The following LIG1 variants were observed in gnomAD, a reference collection of about 807,000 sequenced individuals.
LIG1 encodes ligase I, DNA, ATP-dependent.
In LIG1, 70 loss-of-function variants were observed where a neutral mutation model predicts 115.7. The observed-to-expected ratio is 0.60, with a 90% CI of 0.50 to 0.74. LIG1 has a LOEUF of 0.74. LIG1 is among the 30% of genes least tolerant of loss of function. LIG1 has a pLI of 0.00. For synonymous variants in LIG1, 487 were observed against 495.3 expected (o/e 0.98, Z 0.22); for missense variants, 1,115 against 1,225.6 (o/e 0.91, Z 1.35).
chr19:48,170,126 G>T (rs896683977), intron 1 of LIG1, 115 bp downstream of exon 1: 36 of 433,228 alleles, frequency 8.3e-5, no homozygotes, highest in Non-Finnish European at 1.4e-4. Context: ...GGCAGCCTCA[G>T]CGTCCCCACG....
intron 2 of LIG1, among the ~76,000 whole-genome samples, chr19:48,164,494 G>A (rs138526035): frequency 6.6e-6 from 1 of 152,308 alleles, no homozygotes; most frequent in African/African-American, 2.4e-5. Flanking sequence ...CTGTGACCAG[G>A]GGTGGACACG....
intron 23 of LIG1, 24 bp from the exon 24 acceptor site, chr19:48,121,346 T>G (rs756162564): frequency 3.2e-5 from 50 of 1,580,610 alleles, no homozygotes; most frequent in Admixed American, 8.7e-5. Flanking sequence ...AGGCAAGAGA[T>G]GAGAAGGGGG....
intron 12 of LIG1, among the ~76,000 whole-genome samples, chr19:48,139,414 G>A (rs189262853): frequency 6.6e-6 from 1 of 152,208 alleles, no homozygotes; most frequent in South Asian, 2.1e-4. Flanking sequence ...CTACAGCTGG[G>A]GTCCAGCTCC....
intron 16 of LIG1, among the ~76,000 whole-genome samples, chr19:48,134,282 C>T (rs1247703693): frequency 6.6e-6 from 1 of 152,234 alleles, no homozygotes; most frequent in Non-Finnish European, 1.5e-5. Flanking sequence ...TGCCCCTGTT[C>T]CCTATCTGTC....
At chr19:48,131,934 CT>C (rs34833018) in intron 18 of LIG1, among the ~76,000 whole-genome samples, 63,568 of 131,816 alleles carry the variant, frequency 0.48, 15,520 homozygotes, top group East Asian at 0.72. Flanking sequence ...TGGATCCACC[CT>C]TTTTTTTTTT....
rs1343090387 is a variant in LIG1, at chr19:48,170,340, C to G, written c.-157G>C. 3 of 436,646 alleles carry G rather than the reference C, an allele frequency of 6.9e-6. No homozygotes were observed. The highest frequency in any genetic ancestry group is 1.6e-5 in the South Asian group (1 of 62,138). 27.0% of individuals were successfully genotyped at this position (436,646 alleles called of 1,614,324 possible). ...TCGCGCCACGGCATTCGCGCGCAGA[C>G]GTCTGCGGGCGGGGGCGGGGCAGAG... is the stretch of plus-strand genomic sequence containing the variant. On this transcript the variant is annotated 5_prime_UTR_variant, in exon 1 of 28. Coordinates refer to ENST00000263274, the MANE Select transcript of LIG1 (RefSeq NM_000234.3).
Position 48,160,755 on chromosome 19 carries a change from C to T in LIG1, c.243+617G>A, listed in dbSNP as rs75589577. ...TTTTTTTGCTTTTTTTTTTTTGAAG[C>T]AAGGTCTTGCTCTGTCACCCCGGCT... On this transcript the variant is annotated intron_variant, in intron 4 of 27. Coordinates refer to ENST00000263274, the MANE Select transcript of LIG1 (RefSeq NM_000234.3). Among the ~76,000 whole-genome samples the T allele has an allele frequency of 8.4e-3, 1,266 of 150,680 alleles. 15 individuals carry two copies. The highest frequency in any genetic ancestry group is 0.029 in the African/African-American group (1,197 of 40,932).
At chr19:48,168,146 G>A (rs12611390) in intron 1 of LIG1, among the ~76,000 whole-genome samples, 47,459 of 152,100 alleles carry the variant, frequency 0.31, 8,368 homozygotes, top group East Asian at 0.55. Context: ...TTCCACCCCA[G>A]GTCGGCCTGC....
chr19:48,149,728 C>A (rs2035346796), intron 9 of LIG1, 35 bp downstream of exon 9: 1 of 1,570,440 alleles, frequency 6.4e-7, no homozygotes, highest in African/African-American at 1.3e-5. Flanking sequence ...GGAACACATC[C>A]CGAAGAACCT....
intron 8 of LIG1, 95 bp downstream of exon 8, chr19:48,149,993 G>A: frequency 6.3e-7 from 1 of 1,598,836 alleles, no homozygotes; most frequent in East Asian, 2.2e-5. Context: ...AGGAAAGGAA[G>A]AAGGGTCTTC....
intron 26 of LIG1, chr19:48,116,248 C>T (rs1156743999): frequency 2.5e-6 from 1 of 395,368 alleles, no homozygotes; most frequent in African/African-American, 2.1e-5. Context: ...TGGAGACTAT[C>T]CTGGCTAACA....
intron 2 of LIG1, 82 bp from the exon 3 acceptor site, chr19:48,162,433 C>CA (rs2036235670): frequency 2.4e-5 from 15 of 632,026 alleles, no homozygotes; most frequent in Non-Finnish European, 3.3e-5. Context: ...CTATAACTTC[C>CA]TTTTTTTTTT....
At chr19:48,162,429 CT>C in intron 2 of LIG1, 78 bp from the exon 3 acceptor site, 2 of 923,362 alleles carry the variant, frequency 2.2e-6, no homozygotes, top group Non-Finnish European at 1.7e-6. Flanking sequence ...TATCCTATAA[CT>C]TCCTTTTTTT....
chr19:48,146,638 C>T (rs2035131532), intron 9 of LIG1, among the ~76,000 whole-genome samples: 1 of 152,082 alleles, frequency 6.6e-6, no homozygotes, highest in Admixed American at 6.5e-5. Flanking sequence ...TGAAATCGTG[C>T]CACTGCACTC....
Position 48,143,579 on chromosome 19 carries a change from G to A in LIG1, c.878C>T (p.Ala293Val). Residue 293 changes from alanine (A) to valine (V), a missense_variant, in exon 11 of 28, where the codon GCC (alanine) becomes GTC (valine). Physicochemically the swap from Ala to Val is moderately conservative, Grantham distance 64. Transcript: ENST00000263274. ...CTCCTCGATCTTCTCAAACGTCCGG[G>A]CCACAGCCAGGTAAGGAACCCTAGG... ...PGQKVPYLAV[A>V]RTFEKIEEVS... 3 of 1,609,282 alleles carry A rather than the reference G, an allele frequency of 1.9e-6. No individual in the cohort carries two copies. Among genetic ancestry groups the A allele is most frequent in the Non-Finnish European group, 2.5e-6 (3 of 1,179,190 alleles).
At chr19:48,121,369 G>T in intron 23 of LIG1, 47 bp from the exon 24 acceptor site, 1 of 1,518,170 alleles carries the variant, frequency 6.6e-7, no homozygotes, top group East Asian at 2.4e-5. Flanking sequence ...CGCCCAAGGC[G>T]GGGCCCTCAC....
intron 11 of LIG1, among the ~76,000 whole-genome samples, chr19:48,142,442 C>CAAAACAAAAAAAAAAA (rs2034825432): frequency 1.3e-5 from 1 of 75,604 alleles, no homozygotes; most frequent in African/African-American, 4.9e-5. Context: ...GACTCCATCT[C>CAAAACAAAAAAAAAAA]AAAAAAAAAA....
chr19:48,169,911 T>TTCC (rs35030999), intron 1 of LIG1: 1,533 of 79,986 alleles, frequency 0.019, 38 homozygotes, highest in Middle Eastern at 0.031. Context: ...CACACAGTTT[T>TTCC]CCCCCCCCCG....
At chr19:48,135,016 T>C (rs540110676) in intron 16 of LIG1, among the ~76,000 whole-genome samples, 1 of 152,212 alleles carries the variant, frequency 6.6e-6, no homozygotes, top group African/African-American at 2.4e-5. Context: ...GTCCTCTCCA[T>C]GACTGTCAAG....
Sources: allele counts gnomAD v4.1 joint callset (sites outside exome capture counted in the v4.1 genomes callset), GRCh38; gene constraint gnomAD v4.1.1; transcripts MANE v1.5; gene names NCBI Gene and HGNC (gene_info 2026-07-23, HGNC 2026-07-21).